The following ATRN variants were observed in gnomAD, a reference collection of about 807,000 sequenced individuals.
The protein encoded by ATRN is attractin-2.
In ATRN, 54 loss-of-function variants were observed where a neutral mutation model predicts 178.7. That is an observed-to-expected ratio of 0.30 (90% CI 0.24 to 0.38). The LOEUF (loss-of-function observed/expected upper bound fraction) is 0.38. ATRN is among the 10% of genes least tolerant of loss of function. ATRN has a pLI of 1.00. For missense variants in ATRN, 1,443 were observed against 1,815.1 expected (o/e 0.79, Z 3.73); for synonymous variants, 636 against 663.0 (o/e 0.96, Z 0.63).
At chr20:3,510,270 C>G (rs1471177466) in intron 1 of ATRN, among the ~76,000 whole-genome samples, 2 of 152,168 alleles carry the variant, frequency 1.3e-5, no homozygotes, top group Non-Finnish European at 2.9e-5. Context: ...GAACAGAGGT[C>G]AACAAACATT....
At chr20:3,482,099 T>G (rs1357384322) in intron 1 of ATRN, among the ~76,000 whole-genome samples, 1 of 151,910 alleles carries the variant, frequency 6.6e-6, no homozygotes, top group Admixed American at 6.5e-5. Context: ...TATCCTGTTT[T>G]TAAGATAATT....
intron 1 of ATRN, among the ~76,000 whole-genome samples, chr20:3,492,870 C>T (rs1276178828): frequency 1.1e-4 from 13 of 113,296 alleles, no homozygotes; most frequent in East Asian, 2.1e-4. Context: ...CGCGCGCGTG[C>T]GCACGCACAC....
intron 1 of ATRN, among the ~76,000 whole-genome samples, chr20:3,530,366 C>T (rs2085436104): frequency 6.6e-6 from 1 of 150,594 alleles, no homozygotes; most frequent in South Asian, 2.1e-4. Flanking sequence ...CAGGTTCAAG[C>T]GATTCTCCTC....
chr20:3,501,644 C>G (rs2084966292), intron 1 of ATRN, among the ~76,000 whole-genome samples: 1 of 152,106 alleles, frequency 6.6e-6, no homozygotes, highest in Non-Finnish European at 1.5e-5. Context: ...GGAAAGTGAG[C>G]AAGGCAAAGA....
intron 1 of ATRN, among the ~76,000 whole-genome samples, chr20:3,491,313 G>C (rs1484707662): frequency 6.6e-6 from 1 of 152,140 alleles, no homozygotes; most frequent in Admixed American, 6.5e-5. Flanking sequence ...ATGGCTGCTA[G>C]AGATCATAGG....
At chr20:3,497,680 C>T (rs939113643) in intron 1 of ATRN, among the ~76,000 whole-genome samples, 1 of 152,036 alleles carries the variant, frequency 6.6e-6, no homozygotes, top group Non-Finnish European at 1.5e-5. Flanking sequence ...GTGGCGTTCT[C>T]TGTATTTCCT....
chr20:3,646,371 A>G (rs2087107969), intron 28 of ATRN, among the ~76,000 whole-genome samples: 1 of 152,164 alleles, frequency 6.6e-6, no homozygotes, highest in South Asian at 2.1e-4. Flanking sequence ...TGTTCCCACC[A>G]CCAAGCAGAG....
Position 3,632,316 on chromosome 20 carries a change from A to C in ATRN, c.3864-1995A>C, listed in dbSNP as rs1340195416. Among the ~76,000 whole-genome samples, 1 of 151,870 alleles carries C rather than the reference A, an allele frequency of 6.6e-6. No individual in the cohort carries two copies. The highest frequency in any genetic ancestry group is 1.5e-5 in the Non-Finnish European group (1 of 68,004). ...TTCTCAGCAAACGTTAAATCACAAC[A>C]CTCTGTTTAAAAACCTGCACTGGCT... On this transcript the variant is annotated intron_variant, in intron 25 of 28. Transcript: ENST00000262919. This position sits in a 1 kb window ranked among gnomAD's most constrained non-coding sequence, Gnocchi z 4.2.
At chr20:3,576,675 A>G (rs62206466) in intron 13 of ATRN, among the ~76,000 whole-genome samples, 184 bp from the exon 14 acceptor site, 15 of 58,580 alleles carry the variant, frequency 2.6e-4, no homozygotes, top group Admixed American at 6.0e-4. Context: ...CAACTTATCT[A>G]TCTATCTGTC....
At chr20:3,507,839 C>T (rs369017016) in intron 1 of ATRN, among the ~76,000 whole-genome samples, 2 of 151,696 alleles carry the variant, frequency 1.3e-5, no homozygotes, top group Admixed American at 6.6e-5. Flanking sequence ...CGCGCCACCA[C>T]GCTCAGCTAA....
At chr20:3,557,101 T>C (rs2085887761) in intron 6 of ATRN, among the ~76,000 whole-genome samples, 1 of 152,232 alleles carries the variant, frequency 6.6e-6, no homozygotes, top group African/African-American at 2.4e-5. Context: ...TATGAGTCCT[T>C]CTCAGGAAAC....
chr20:3,493,136 G>A (rs1425025333), intron 1 of ATRN, among the ~76,000 whole-genome samples: 5 of 146,852 alleles, frequency 3.4e-5, no homozygotes, highest in African/African-American at 1.2e-4. Context: ...GTGTGTGTGT[G>A]TGTGTGTGTG....
intron 15 of ATRN, among the ~76,000 whole-genome samples, chr20:3,580,469 C>T (rs2086267644): frequency 6.6e-6 from 1 of 152,190 alleles, no homozygotes; most frequent in South Asian, 2.1e-4. Context: ...ACAGCTATAC[C>T]TCTAGATGTA....
intron 17 of ATRN, 96 bp downstream of exon 17, chr20:3,584,179 G>A: frequency 7.5e-7 from 1 of 1,337,074 alleles, no homozygotes; most frequent in Non-Finnish European, 1.0e-6. Context: ...GAACATTTTA[G>A]AAACAAGACT....
intron 1 of ATRN, among the ~76,000 whole-genome samples, chr20:3,508,518 G>A (rs547340798): frequency 2.0e-5 from 3 of 152,190 alleles, no homozygotes; most frequent in South Asian, 2.1e-4. Context: ...ACTAGTCCAC[G>A]GGCTGTAGTT....
At chr20:3,497,615 T>C (rs2084899010) in intron 1 of ATRN, among the ~76,000 whole-genome samples, 2 of 152,156 alleles carry the variant, frequency 1.3e-5, no homozygotes, top group South Asian at 4.2e-4. Context: ...CATTTCAACT[T>C]TGGTGAATCT....
At chr20:3,578,995 G>A (rs551363355) in intron 15 of ATRN, among the ~76,000 whole-genome samples, 1 of 152,146 alleles carries the variant, frequency 6.6e-6, no homozygotes, top group East Asian at 1.9e-4. Context: ...ATAATTATAT[G>A]GGGGATGAAT....
At chr20:3,546,643 G>A (rs966788485) in intron 4 of ATRN, among the ~76,000 whole-genome samples, 4 of 151,918 alleles carry the variant, frequency 2.6e-5, no homozygotes, top group African/African-American at 9.7e-5. Context: ...CGCCAACCTC[G>A]GCCTCCCAAA....
intron 18 of ATRN, among the ~76,000 whole-genome samples, chr20:3,585,614 A>G (rs1411688771): frequency 1.3e-5 from 2 of 152,180 alleles, no homozygotes; most frequent in Non-Finnish European, 2.9e-5. Flanking sequence ...AAATATTTAA[A>G]TCTCTGCTTT....
Sources: allele counts gnomAD v4.1 joint callset (sites outside exome capture counted in the v4.1 genomes callset), GRCh38; gene constraint gnomAD v4.1.1; non-coding constraint Gnocchi (gnomAD v3.1); transcripts MANE v1.5; gene names NCBI Gene and HGNC (gene_info 2026-07-23, HGNC 2026-07-21).